DPYSL2: variants seen among roughly 807,000 people sequenced by gnomAD.
DPYSL2 encodes dihydropyrimidinase-related protein 2.
A neutral mutation model predicts 69.9 loss-of-function variants in DPYSL2; 13 were observed. The ratio of observed to expected loss-of-function variants is 0.19; its 90% CI spans 0.12 to 0.30. The LOEUF (loss-of-function observed/expected upper bound fraction) is 0.30. Among genes scored for constraint, DPYSL2 ranks in the 10% least tolerant of loss-of-function variants. DPYSL2 has a pLI of 1.00. For synonymous variants in DPYSL2, 326 were observed against 359.1 expected, an observed-to-expected ratio of 0.91 and a Z score of 1.04; for missense variants, 587 against 918.9, an observed-to-expected ratio of 0.64 and a Z score of 4.67.
chr8:26,627,558 G>T lies in DPYSL2; in HGVS notation c.936+263G>T, dbSNP rs1240608072. Among the ~76,000 whole-genome samples the T allele has an allele frequency of 6.6e-6, 1 of 152,164 alleles. No individual in the cohort carries two copies. Among genetic ancestry groups the T allele is most frequent in the Non-Finnish European group, 1.5e-5 (1 of 68,038 alleles). ...CTCGGTGCTGTAACGCAGCTGCCTTGGGTGGGGTACGGGAACCCTCACGTC... is the reference window on the plus strand; with the variant it reads ...CTCGGTGCTGTAACGCAGCTGCCTTTGGTGGGGTACGGGAACCCTCACGTC... On this transcript the variant is annotated intron_variant, in intron 6 of 13. Coordinates refer to ENST00000521913, the MANE Select transcript of DPYSL2 (RefSeq NM_001197293.3). This position sits in a 1 kb window ranked among gnomAD's most constrained non-coding sequence, Gnocchi z 6.9.
At chr8:26,611,635 A>G (rs751175401) in intron 3 of DPYSL2, among the ~76,000 whole-genome samples, 38 of 152,180 alleles carry the variant, frequency 2.5e-4, no homozygotes, top group Admixed American at 5.9e-4. Flanking sequence ...CCCCACACTG[A>G]GCCAAGGATT....
Position 26,597,704 on chromosome 8 carries a change from G to A in DPYSL2, c.628+13721G>A, listed in dbSNP as rs973933157. 6.6e-6 allele frequency among the ~76,000 whole-genome samples: 1 copy of A among 151,346 alleles called. No homozygotes were observed. Among genetic ancestry groups the A allele is most frequent in the Admixed American group, 6.6e-5 (1 of 15,198 alleles). ...TTAGCCAGGATGGTCTCGATCTCCT[G>A]ACCTTGTGATCCACCCGCCTCGGCC... On this transcript the variant is annotated intron_variant, in intron 3 of 13. Coordinates refer to ENST00000521913, the MANE Select transcript of DPYSL2 (RefSeq NM_001197293.3). This position sits in a 1 kb window ranked among gnomAD's most constrained non-coding sequence, Gnocchi z 5.2.
intron 1 of DPYSL2, among the ~76,000 whole-genome samples, chr8:26,542,490 T>C (rs1563380048): frequency 6.6e-6 from 1 of 152,086 alleles, no homozygotes; most frequent in East Asian, 1.9e-4. Flanking sequence ...GGCATGATCA[T>C]AGGTCACTGG....
At chr8:26,520,401 G>T (rs558858100) in intron 1 of DPYSL2, among the ~76,000 whole-genome samples, 17 of 151,258 alleles carry the variant, frequency 1.1e-4, no homozygotes, top group Non-Finnish European at 1.9e-4. Context: ...ATACTGATTT[G>T]CTTTTGATAT....
chr8:26,634,240 C>T (rs1449685414), intron 7 of DPYSL2, among the ~76,000 whole-genome samples: 1 of 152,106 alleles, frequency 6.6e-6, no homozygotes. Context: ...GCTGCCTGCA[C>T]CTGGAGAAGG....
chr8:26,624,082 C>T lies in DPYSL2; in HGVS notation c.629-61C>T. On this transcript the variant is annotated intron_variant, in intron 3 of 13. Coordinates refer to ENST00000521913, the MANE Select transcript of DPYSL2 (RefSeq NM_001197293.3). This position sits in a 1 kb window ranked among gnomAD's most constrained non-coding sequence, Gnocchi z 4.7. Reference sequence around the variant, plus strand: ...TATTCAGGGTTCAAGTGGGAAAATACCTGCTGGCCCACGGCCCTTGAGGCT... The same window carrying T: ...TATTCAGGGTTCAAGTGGGAAAATATCTGCTGGCCCACGGCCCTTGAGGCT... 1 of 1,583,994 alleles carries T rather than the reference C, an allele frequency of 6.3e-7. No homozygotes were observed. Among genetic ancestry groups the T allele is most frequent in the Non-Finnish European group, 8.6e-7 (1 of 1,160,882 alleles).
rs1808229571 is a variant in DPYSL2 at position 26,514,163 on chromosome 8, G to T, written c.-163G>T. Reference sequence around the variant, plus strand: ...GGTCAGGGGGAGGGACCGGGAGGGTGGGTCGCCGGCTCGCCAGCCCTCCTT... The same window carrying T: ...GGTCAGGGGGAGGGACCGGGAGGGTTGGTCGCCGGCTCGCCAGCCCTCCTT... On this transcript the variant is annotated 5_prime_UTR_variant, in exon 1 of 14. Coordinates refer to ENST00000521913, the MANE Select transcript of DPYSL2 (RefSeq NM_001197293.3). The surrounding 1 kb of genome is among the most constrained non-coding windows in gnomAD (Gnocchi z 8.4). 3.5e-5 allele frequency: 18 copies of T among 513,860 alleles called. No homozygotes were observed. The East Asian group carries it at 6.4e-4, about 18-fold the overall frequency. 31.8% of individuals were successfully genotyped at this position (513,860 alleles called of 1,614,324 possible).
rs374599797 is a variant in DPYSL2 at position 26,597,775 on chromosome 8, C to CTTTTTTTT, written c.628+13805_628+13812dup. 7.9e-6 allele frequency among the ~76,000 whole-genome samples: 1 copy of CTTTTTTTT among 127,158 alleles called. No homozygotes were observed. The highest frequency in any genetic ancestry group is 2.9e-5 in the African/African-American group (1 of 34,500). 83.4% of individuals were successfully genotyped at this position (127,158 alleles called of 152,430 possible). ...AGGCAAGAGCCACCGCACCTGGCCT[C>CTTTTTTTT]TTTTTTTTTTTTTTTTTTTTGAGGG... On this transcript the variant is annotated intron_variant, in intron 3 of 13. Transcript: ENST00000521913. The surrounding 1 kb of genome is among the most constrained non-coding windows in gnomAD (Gnocchi z 5.2).
chr8:26,632,143 T>C lies in DPYSL2; in HGVS notation c.1006-2637T>C, dbSNP rs559029492. Among the ~76,000 whole-genome samples, 7 of 152,278 alleles carry C rather than the reference T, an allele frequency of 4.6e-5. No individual in the cohort carries two copies. The East Asian group carries it at 1.4e-3, about 29-fold the overall frequency. On this transcript the variant is annotated intron_variant, in intron 7 of 13. Coordinates refer to ENST00000521913, the MANE Select transcript of DPYSL2 (RefSeq NM_001197293.3). ...TGAGACCACCCAGTAGGATTTTCCC[T>C]CGTTTTCCACCCAGAGGATTGGAAA...
intron 1 of DPYSL2, among the ~76,000 whole-genome samples, chr8:26,527,804 C>CTTTTTTTTTTTTTTTTTTT (rs34631984): frequency 7.5e-6 from 1 of 132,718 alleles, no homozygotes; most frequent in African/African-American, 2.8e-5. Flanking sequence ...TTTGTTTATC[C>CTTTTTTTTTTTTTTTTTTT]TTTTTTTTTT....
intron 1 of DPYSL2, among the ~76,000 whole-genome samples, chr8:26,541,192 GA>G (rs1212714344): frequency 1.3e-5 from 2 of 152,192 alleles, no homozygotes; most frequent in African/African-American, 4.8e-5. Flanking sequence ...ATTTCTGTAA[GA>G]ATATTAGTGG....
rs749141558 is a variant in DPYSL2, at chr8:26,617,711, C to T, written c.629-6432C>T. On this transcript the variant is annotated intron_variant, in intron 3 of 13. Coordinates refer to ENST00000521913, the MANE Select transcript of DPYSL2 (RefSeq NM_001197293.3). This position sits in a 1 kb window ranked among gnomAD's most constrained non-coding sequence, Gnocchi z 4.7. ...TCGCTGCAGCATGGATGAACCTTGACGACATGATGCCAAGTGAAAGCAGAC... is the reference window on the plus strand; with the variant it reads ...TCGCTGCAGCATGGATGAACCTTGATGACATGATGCCAAGTGAAAGCAGAC... Among the ~76,000 whole-genome samples, 7 of 152,086 alleles carry T rather than the reference C, an allele frequency of 4.6e-5. No individual in the cohort carries two copies. The highest frequency in any genetic ancestry group is 4.1e-4 in the South Asian group (2 of 4,828).
In DPYSL2 at chr8:26,656,637, C is replaced by A. The variant is rs1025491825; in HGVS notation, c.*931C>A. ...ACCATTTCATGGTGGTCGTTGGGTCCGCCTAAAGGATTTGAGCGTTTGCCA... is the reference window on the plus strand; with the variant it reads ...ACCATTTCATGGTGGTCGTTGGGTCAGCCTAAAGGATTTGAGCGTTTGCCA... On this transcript the variant is annotated 3_prime_UTR_variant, in exon 14 of 14. Transcript: ENST00000521913. The A allele has an allele frequency of 3.3e-5, 5 of 152,522 alleles. No individual in the cohort carries two copies. The highest frequency in any genetic ancestry group is 2.9e-5 in the Non-Finnish European group (2 of 68,052). 9.4% of individuals were successfully genotyped at this position (152,522 alleles called of 1,614,324 possible).
chr8:26,574,335 G>C (rs1001088746), intron 1 of DPYSL2, among the ~76,000 whole-genome samples: 2 of 152,202 alleles, frequency 1.3e-5, no homozygotes, highest in African/African-American at 4.8e-5. Flanking sequence ...TAGGTGTCCA[G>C]GGAGGGGAGT....
rs78267081 is a variant in DPYSL2, at chr8:26,610,698, C to G, written c.629-13445C>G. 6.6e-6 allele frequency among the ~76,000 whole-genome samples: 1 copy of G among 152,162 alleles called. No individual in the cohort carries two copies. Among genetic ancestry groups the G allele is most frequent in the Admixed American group, 6.5e-5 (1 of 15,268 alleles). ...CATAGAAGGGTGCATCTCGTCTCCC[C>G]ACAACAGCACTGGAAGGTGCTAGAA... On this transcript the variant is annotated intron_variant, in intron 3 of 13. Coordinates refer to ENST00000521913, the MANE Select transcript of DPYSL2 (RefSeq NM_001197293.3). This position sits in a 1 kb window ranked among gnomAD's most constrained non-coding sequence, Gnocchi z 4.5.
chr8:26,532,577 A>G (rs1800528451), intron 1 of DPYSL2, among the ~76,000 whole-genome samples: 1 of 152,100 alleles, frequency 6.6e-6, no homozygotes, highest in Admixed American at 6.6e-5. Context: ...TTCTATCTGT[A>G]TGGATTTGCC....
chr8:26,538,444 G>A (rs1800630757), intron 1 of DPYSL2, among the ~76,000 whole-genome samples: 1 of 152,156 alleles, frequency 6.6e-6, no homozygotes, highest in Non-Finnish European at 1.5e-5. Flanking sequence ...GGTACCAAGA[G>A]CGATCCCTTG....
rs903293192 is a variant in DPYSL2, at chr8:26,581,951, A to C, written c.355-18A>C. The C allele has an allele frequency of 6.2e-7, 1 of 1,605,828 alleles. No homozygotes were observed. The highest frequency in any genetic ancestry group is 1.3e-5 in the African/African-American group (1 of 74,932). ...TAGGTCAGTTACGCGTTGTGACCTT[A>C]CTGCCTCTTTGTTTCAGAGCGATCG... On this transcript the variant is annotated intron_variant, in intron 1 of 13. Transcript: ENST00000521913.
chr8:26,618,035 A>G (rs1158939689), intron 3 of DPYSL2, among the ~76,000 whole-genome samples: 1 of 152,230 alleles, frequency 6.6e-6, no homozygotes, highest in Non-Finnish European at 1.5e-5. Flanking sequence ...TAAAAAAAAC[A>G]GTAGGGTCCT....
Sources: allele counts gnomAD v4.1 joint callset (sites outside exome capture counted in the v4.1 genomes callset), GRCh38; gene constraint gnomAD v4.1.1; non-coding constraint Gnocchi (gnomAD v3.1); transcripts MANE v1.5; gene names NCBI Gene and HGNC (gene_info 2026-07-23, HGNC 2026-07-21).